Variants in USH2A observed in about 807,000 individuals in gnomAD.
USH2A encodes the protein usherin, also known as Usher syndrome 2A (autosomal recessive, mild).
USH2A carries 443 observed loss-of-function variants against 538.9 expected under a neutral mutation model. The observed-to-expected ratio is 0.82, with a 90% CI of 0.76 to 0.89. USH2A has a LOEUF of 0.89. USH2A is among the 40% of genes least tolerant of loss of function. The pLI, the probability that USH2A is intolerant of heterozygous loss-of-function variation, is 0.00. For synonymous variants in USH2A, 2,413 were observed against 2,273.5 expected (o/e 1.06, Z -1.75); for missense variants, 6,633 against 6,324.8 (o/e 1.05, Z -1.65).
intron 21 of USH2A, among the ~76,000 whole-genome samples, chr1:216,167,449 C>T (rs974054412): frequency 5.3e-5 from 8 of 151,950 alleles, no homozygotes; most frequent in Non-Finnish European, 7.4e-5. Context: ...AAAATGTTGG[C>T]GCTTAACCGG....
chr1:216,158,193 G>T (rs971762871), intron 21 of USH2A, among the ~76,000 whole-genome samples: 1 of 152,104 alleles, frequency 6.6e-6, no homozygotes, highest in Non-Finnish European at 1.5e-5. Context: ...AAGTTGCTAT[G>T]AACAACTTTG....
intron 44 of USH2A, among the ~76,000 whole-genome samples, chr1:215,865,438 G>A (rs978931934): frequency 3.3e-5 from 5 of 152,122 alleles, no homozygotes; most frequent in Non-Finnish European, 7.4e-5. Context: ...ATAACATAAA[G>A]GACCTATATT....
chr1:216,289,483 CTG>C lies in USH2A; in HGVS notation c.1841-75_1841-74del, dbSNP rs999155964. The C allele has an allele frequency of 9.4e-6, 15 of 1,600,706 alleles. No homozygotes were observed. In the African/African-American group the frequency reaches 1.7e-4, roughly 19 times the overall value. On this transcript the variant is annotated intron_variant, in intron 10 of 71. Transcript: ENST00000307340. Reference sequence around the variant, plus strand: ...CAGCTGCATAATTCAAAATTAAAGACTGTATTCCTTTGAGGGAATTCTATAAT... The same window carrying C: ...CAGCTGCATAATTCAAAATTAAAGACTATTCCTTTGAGGGAATTCTATAAT...
chr1:216,351,058 T>A (rs2038274123), intron 4 of USH2A, among the ~76,000 whole-genome samples: 1 of 152,150 alleles, frequency 6.6e-6, no homozygotes, highest in Non-Finnish European at 1.5e-5. Flanking sequence ...GCCCATCGAT[T>A]CATTTACTTG....
At chr1:216,189,616 A>G (rs890881959) in intron 20 of USH2A, among the ~76,000 whole-genome samples, 11 of 152,042 alleles carry the variant, frequency 7.2e-5, no homozygotes, top group African/African-American at 2.7e-4. Context: ...CTTAATAACA[A>G]TTCTTTTATT....
intron 41 of USH2A, among the ~76,000 whole-genome samples, chr1:215,885,925 C>T (rs908285144): frequency 3.9e-5 from 6 of 152,176 alleles, no homozygotes; most frequent in Non-Finnish European, 5.9e-5. Context: ...TTCTTCTCCC[C>T]CAAGTCCTTA....
At chr1:216,158,119 T>C (rs957019551) in intron 21 of USH2A, among the ~76,000 whole-genome samples, 5 of 152,230 alleles carry the variant, frequency 3.3e-5, no homozygotes, top group African/African-American at 1.2e-4. Context: ...TTTATTATAA[T>C]TTATTATCCA....
intron 15 of USH2A, among the ~76,000 whole-genome samples, chr1:216,208,974 C>A (rs1275549320): frequency 6.6e-6 from 1 of 152,100 alleles, no homozygotes; most frequent in Non-Finnish European, 1.5e-5. Context: ...ATTTAAGACC[C>A]CCACAAGGAA....
chr1:215,991,679 A>G (rs529731270), intron 35 of USH2A, among the ~76,000 whole-genome samples: 1 of 152,306 alleles, frequency 6.6e-6, no homozygotes, highest in South Asian at 2.1e-4. Context: ...ACATACGCAA[A>G]TACACAAAAC....
At chr1:215,704,722 C>A (rs1392031218) in intron 61 of USH2A, among the ~76,000 whole-genome samples, 1 of 152,180 alleles carries the variant, frequency 6.6e-6, no homozygotes, top group Admixed American at 6.5e-5. Context: ...ATGATTTCCT[C>A]TTTTCTTAGA....
At chr1:215,669,363 G>A (rs1337661584) in intron 64 of USH2A, among the ~76,000 whole-genome samples, 3 of 152,192 alleles carry the variant, frequency 2.0e-5, no homozygotes, top group African/African-American at 4.8e-5. Context: ...TTACGTTTCC[G>A]ATGGTGGCAT....
chr1:215,654,440 T>G (rs1161988116), intron 64 of USH2A, among the ~76,000 whole-genome samples: 2 of 152,206 alleles, frequency 1.3e-5, no homozygotes, highest in African/African-American at 4.8e-5. Context: ...AATAAAAGAT[T>G]AAAGATGATT....
chr1:216,018,245 T>C (rs1380081670), intron 32 of USH2A, among the ~76,000 whole-genome samples: 2 of 152,184 alleles, frequency 1.3e-5, no homozygotes, highest in East Asian at 1.9e-4. Context: ...AATGGAATTA[T>C]TGAAGAGAAA....
intron 50 of USH2A, among the ~76,000 whole-genome samples, chr1:215,793,733 C>G (rs564560615): frequency 6.6e-6 from 1 of 152,212 alleles, no homozygotes; most frequent in Non-Finnish European, 1.5e-5. Context: ...AAGTCAGAGT[C>G]CAGGACATGA....
At position 215,647,681 on chromosome 1, in the gene USH2A, A is replaced by T. The variant is rs779400517; in HGVS notation, c.14632T>A (p.Cys4878Ser). The T allele has an allele frequency of 6.2e-7, 1 of 1,614,050 alleles. No homozygotes were observed. The highest frequency in any genetic ancestry group is 1.3e-5 in the African/African-American group (1 of 74,906). Residue 4878 changes from cysteine (C) to serine (S), a missense_variant, in exon 67 of 72, where the codon TGT becomes AGT. Transcript: ENST00000307340. ...TTTGTTTCTATTTGGCTGGGAGTAC[A>T]GGGGAGGGCTGAGTCAGGAGGGCAA... ...VACPPDSALP[C>S]TPSQIETKYT...
rs898159946 is a variant in USH2A, at chr1:215,674,804, G to A, written c.13107C>T (p.Ala4369=). 5 of 1,613,990 alleles carry A rather than the reference G, an allele frequency of 3.1e-6. No individual in the cohort carries two copies. Among genetic ancestry groups the A allele is most frequent in the Admixed American group, 3.3e-5 (2 of 60,000 alleles). The change falls in exon 63 of 72, where the codon GCC becomes GCT. Residue 4369 remains alanine (A), a synonymous_variant. Coordinates refer to ENST00000307340, the MANE Select transcript of USH2A (RefSeq NM_206933.4). The stretch of plus-strand genomic sequence containing the variant: ...GTGACCAACATACATTCATTTGAGT[G>A]GCACTGACGGCCCAAAGATCTGGAG... The part of the protein sequence containing the change: ...VSPPDLWAVS[A]TQMNVCWSPP...
intron 21 of USH2A, among the ~76,000 whole-genome samples, chr1:216,134,962 C>G (rs1291382218): frequency 6.6e-6 from 1 of 151,968 alleles, no homozygotes; most frequent in African/African-American, 2.4e-5. Context: ...AGTCTCTGGC[C>G]AGCAAGAGTT....
At chr1:215,988,820 C>T (rs529058840) in intron 35 of USH2A, among the ~76,000 whole-genome samples, 3 of 152,290 alleles carry the variant, frequency 2.0e-5, no homozygotes, top group Admixed American at 6.5e-5. Flanking sequence ...GAAGTATGTA[C>T]TGAACCAACT....
intron 63 of USH2A, among the ~76,000 whole-genome samples, chr1:215,672,864 A>G (rs1002038357): frequency 6.6e-6 from 1 of 152,268 alleles, no homozygotes; most frequent in Non-Finnish European, 1.5e-5. Context: ...CTTGCAATTT[A>G]TCAGATAAAT....
Sources: gnomAD v4.1 joint callset for allele counts (sites outside exome capture counted in the v4.1 genomes callset) on GRCh38, gnomAD v4.1.1 for gene constraint, MANE v1.5 for transcripts, NCBI Gene and HGNC (gene_info 2026-07-23, HGNC 2026-07-21) for gene names.